PARD3: variants seen among roughly 807,000 people sequenced by gnomAD.
PARD3 encodes the protein par-3 family cell polarity regulator.
In PARD3, 75 loss-of-function variants were observed where a neutral mutation model predicts 155.4. The observed-to-expected ratio is 0.48, with a 90% CI of 0.40 to 0.58. The LOEUF is 0.58. PARD3 is among the 20% of genes least tolerant of loss of function. The pLI is 0.00. For synonymous variants in PARD3, 576 were observed against 610.5 expected, an observed-to-expected ratio of 0.94 and a Z score of 0.83; for missense variants, 1,642 against 1,721.7, an observed-to-expected ratio of 0.95 and a Z score of 0.82.
At chr10:34,393,659 G>A (rs950925253) in intron 7 of PARD3, among the ~76,000 whole-genome samples, 5 of 151,694 alleles carry the variant, frequency 3.3e-5, no homozygotes, top group African/African-American at 1.2e-4. Context: ...GGGAGGCCAG[G>A]GTAGCAGGAT....
At chr10:34,698,756 T>C (rs1266967761) in intron 1 of PARD3, among the ~76,000 whole-genome samples, 1 of 152,168 alleles carries the variant, frequency 6.6e-6, no homozygotes, top group African/African-American at 2.4e-5. Flanking sequence ...GAAGATAGAG[T>C]CAGGTGTCAA....
intron 22 of PARD3, among the ~76,000 whole-genome samples, chr10:34,222,183 C>T (rs978851947): frequency 6.6e-6 from 1 of 152,140 alleles, no homozygotes; most frequent in African/African-American, 2.4e-5. Context: ...AAGAAACATG[C>T]CTTTTATTTT....
intron 2 of PARD3, among the ~76,000 whole-genome samples, chr10:34,694,157 A>G (rs2094120755): frequency 7.3e-6 from 1 of 136,576 alleles, no homozygotes; most frequent in Admixed American, 7.4e-5. Context: ...GGGAGAAGAA[A>G]AAAAAAAAGA....
intron 3 of PARD3, among the ~76,000 whole-genome samples, chr10:34,487,384 A>G (rs545968583): frequency 6.6e-6 from 1 of 152,076 alleles, no homozygotes; most frequent in African/African-American, 2.4e-5. Flanking sequence ...AATGTTTGTT[A>G]AAGTGTTACT....
chr10:34,809,786 T>C (rs904650782), intron 1 of PARD3, among the ~76,000 whole-genome samples: 2 of 152,134 alleles, frequency 1.3e-5, no homozygotes, highest in African/African-American at 2.4e-5. Flanking sequence ...TTTAGTTTCT[T>C]TTTCCTTTTT....
chr10:34,805,071 G>A (rs1453801549), intron 1 of PARD3, among the ~76,000 whole-genome samples: 1 of 152,150 alleles, frequency 6.6e-6, no homozygotes, highest in Non-Finnish European at 1.5e-5. Flanking sequence ...CAACAAAAAG[G>A]GAAAGGCTGG....
intron 20 of PARD3, among the ~76,000 whole-genome samples, chr10:34,287,540 A>T (rs753663787): frequency 3.3e-5 from 5 of 152,204 alleles, no homozygotes; most frequent in African/African-American, 1.2e-4. Flanking sequence ...ATGGTGAGGA[A>T]AGATTTAGAT....
intron 2 of PARD3, among the ~76,000 whole-genome samples, chr10:34,652,957 G>A (rs944903590): frequency 3.3e-5 from 5 of 152,080 alleles, no homozygotes; most frequent in African/African-American, 4.8e-5. Flanking sequence ...ACATTTAAAC[G>A]GAAGTGCTCA....
chr10:34,666,273 A>AT (rs2093469505), intron 2 of PARD3, among the ~76,000 whole-genome samples: 1 of 151,914 alleles, frequency 6.6e-6, no homozygotes, highest in African/African-American at 2.4e-5. Context: ...TAGAAGGTAT[A>AT]TTACTGAACT....
At chr10:34,791,254 G>A (rs564615501) in intron 1 of PARD3, among the ~76,000 whole-genome samples, 2 of 152,264 alleles carry the variant, frequency 1.3e-5, no homozygotes, top group Non-Finnish European at 2.9e-5. Flanking sequence ...AACAGCCAAC[G>A]CAGGCAACCC....
chr10:34,466,632 T>C (rs557318730), intron 4 of PARD3, among the ~76,000 whole-genome samples: 5 of 152,134 alleles, frequency 3.3e-5, no homozygotes, highest in Non-Finnish European at 7.3e-5. Context: ...TACAATTTTA[T>C]ACAGAAAACC....
intron 22 of PARD3, among the ~76,000 whole-genome samples, chr10:34,263,152 T>C (rs970784911): frequency 6.6e-6 from 1 of 152,238 alleles, no homozygotes; most frequent in African/African-American, 2.4e-5. Flanking sequence ...GCTGAAAGCA[T>C]ATGTGTTTTC....
At chr10:34,665,906 A>AAAAAG (rs1554804217) in intron 2 of PARD3, among the ~76,000 whole-genome samples, 9 of 147,258 alleles carry the variant, frequency 6.1e-5, no homozygotes, top group South Asian at 2.2e-4. Flanking sequence ...AGAACAGAAC[A>AAAAAG]AAAAGAAAAG....
At chr10:34,266,579 A>C (rs537100372) in intron 22 of PARD3, among the ~76,000 whole-genome samples, 1 of 152,332 alleles carries the variant, frequency 6.6e-6, no homozygotes, top group East Asian at 1.9e-4. Flanking sequence ...AATGCATAAA[A>C]GTATCGTAAG....
At chr10:34,399,564 T>A (rs529360026) in intron 6 of PARD3, 151 bp from the exon 7 acceptor site, 5 of 624,608 alleles carry the variant, frequency 8.0e-6, no homozygotes, top group Non-Finnish European at 1.4e-5. Context: ...CATAGGCATA[T>A]ATATACATAT....
At chr10:34,405,027 A>T (rs1281094324) in intron 5 of PARD3, among the ~76,000 whole-genome samples, 3 of 151,656 alleles carry the variant, frequency 2.0e-5, no homozygotes, top group Admixed American at 6.6e-5. Flanking sequence ...ATGACCATGC[A>T]TGCCACTGCA....
intron 1 of PARD3, among the ~76,000 whole-genome samples, chr10:34,708,245 G>A (rs1027476944): frequency 2.0e-5 from 3 of 147,302 alleles, no homozygotes; most frequent in Admixed American, 6.9e-5. Context: ...TCTTTACAAC[G>A]CAATTGCACT....
At chr10:34,608,080 T>C (rs2090604202) in intron 2 of PARD3, among the ~76,000 whole-genome samples, 1 of 152,204 alleles carries the variant, frequency 6.6e-6, no homozygotes, top group Non-Finnish European at 1.5e-5. Flanking sequence ...CTCACTCCTC[T>C]TGCTGGCTGC....
At chr10:34,391,638 T>C (rs1265021950) in intron 7 of PARD3, among the ~76,000 whole-genome samples, 1 of 152,188 alleles carries the variant, frequency 6.6e-6, no homozygotes, top group Non-Finnish European at 1.5e-5. Flanking sequence ...AGGGGGAAAT[T>C]ATTCAAGACA....
Sources: allele counts gnomAD v4.1 joint callset (sites outside exome capture counted in the v4.1 genomes callset), GRCh38; gene constraint gnomAD v4.1.1; transcripts MANE v1.5; gene names NCBI Gene and HGNC (gene_info 2026-07-23, HGNC 2026-07-21).